Variants in PMEPA1 observed in about 807,000 individuals in gnomAD.
PMEPA1 encodes prostate transmembrane protein, androgen induced 1.
PMEPA1 carries 11 observed loss-of-function variants against 23.0 expected under a neutral mutation model. That is an observed-to-expected ratio of 0.48 (90% CI 0.30 to 0.79). PMEPA1 has a LOEUF of 0.79. Ranked by LOEUF, PMEPA1 falls within the 30% of genes least tolerant of loss-of-function variation. PMEPA1 has a pLI of 0.06. For missense variants in PMEPA1, 377 were observed against 390.9 expected (o/e 0.96, Z 0.30); for synonymous variants, 204 against 166.4 (o/e 1.23, Z -1.74).
chr20:57,672,208 T>C (rs1568971848), intron 1 of PMEPA1, among the ~76,000 whole-genome samples: 1 of 152,294 alleles, frequency 6.6e-6, no homozygotes, highest in East Asian at 1.9e-4. Context: ...CGCGCACGTG[T>C]GTGCCTGCAT....
At chr20:57,690,559 C>T in intron 1 of PMEPA1, 8 of 1,276,058 alleles carry the variant, frequency 6.3e-6, no homozygotes, top group Admixed American at 4.7e-5. Flanking sequence ...TAGCAGGAGG[C>T]GGGGTCTCCA....
chr20:57,661,018 G>A (rs1038003078), intron 1 of PMEPA1, among the ~76,000 whole-genome samples: 1 of 152,228 alleles, frequency 6.6e-6, no homozygotes, highest in Admixed American at 6.5e-5. Context: ...ACAAACACAC[G>A]CCACGCTCAA....
chr20:57,707,023 C>T (rs2089504102), intron 1 of PMEPA1, among the ~76,000 whole-genome samples: 1 of 152,050 alleles, frequency 6.6e-6, no homozygotes, highest in Admixed American at 6.6e-5. Context: ...ACAGTGAGGC[C>T]CATCATGGCT....
chr20:57,690,773 G>A lies in PMEPA1; in HGVS notation c.109+18701C>T, dbSNP rs1045530062. 2.9e-5 allele frequency: 9 copies of A among 306,630 alleles called. No individual in the cohort carries two copies. In the East Asian group the frequency reaches 3.3e-4, roughly 11 times the overall value. 19.0% of individuals were successfully genotyped at this position (306,630 alleles called of 1,614,324 possible). The stretch of plus-strand genomic sequence containing the variant: ...CGGAAGTCTGGGGTGGAGCCTGGCC[G>A]TCTACTCCTCACCCACCAGTTGGTG... On this transcript the variant is annotated intron_variant, in intron 1 of 3. Transcript: ENST00000341744.
rs2016300 is a variant in PMEPA1 at position 57,669,350 on chromosome 20, G to A, written c.110-9653C>T. 3.7e-4 allele frequency among the ~76,000 whole-genome samples: 57 copies of A among 152,092 alleles called. 1 individual carries two copies. Among genetic ancestry groups the A allele is most frequent in the Non-Finnish European group, 2.5e-4 (17 of 67,988 alleles). On this transcript the variant is annotated intron_variant, in intron 1 of 3. Coordinates refer to ENST00000341744, the MANE Select transcript of PMEPA1 (RefSeq NM_020182.5). ...TAATTTTTGTATTTTGAGTACAGACGGGGTTTCACCATGTTGGACAGGCTG... is the reference window on the plus strand; with the variant it reads ...TAATTTTTGTATTTTGAGTACAGACAGGGTTTCACCATGTTGGACAGGCTG...
intron 2 of PMEPA1, among the ~76,000 whole-genome samples, chr20:57,657,489 G>T (rs1016728918): frequency 6.6e-6 from 1 of 152,250 alleles, no homozygotes; most frequent in African/African-American, 2.4e-5. Flanking sequence ...TCCCTGGGCA[G>T]ACGTAACCAG....
At position 57,657,577 on chromosome 20, in the gene PMEPA1, G is replaced by C. The variant is rs189816397; in HGVS notation, c.264+1966C>G. ...GCAGCAGGTCTGCAGCACGCCCTCC[G>C]GACAGCGTGCTGGGACGCACAGTGG... On this transcript the variant is annotated intron_variant, in intron 2 of 3. Transcript: ENST00000341744. Among the ~76,000 whole-genome samples the C allele has an allele frequency of 3.0e-4, 45 of 152,338 alleles. No individual in the cohort carries two copies. The East Asian group carries it at 8.5e-3, about 29-fold the overall frequency.
chr20:57,664,822 C>T (rs933634931), intron 1 of PMEPA1, among the ~76,000 whole-genome samples: 6 of 152,246 alleles, frequency 3.9e-5, no homozygotes, highest in South Asian at 2.1e-4. Context: ...AAGCAGGCCA[C>T]ACCCAAGGCA....
intron 1 of PMEPA1, among the ~76,000 whole-genome samples, chr20:57,688,035 C>A (rs902057375): frequency 6.6e-6 from 1 of 152,154 alleles, no homozygotes; most frequent in African/African-American, 2.4e-5. Context: ...AAGGTCAGGC[C>A]GGGTGGTTCA....
intron 1 of PMEPA1, among the ~76,000 whole-genome samples, chr20:57,675,563 C>T (rs745571474): frequency 1.3e-4 from 20 of 152,158 alleles, no homozygotes; most frequent in Non-Finnish European, 2.9e-4. Context: ...GCATTCCTTG[C>T]TACGAGTGTT....
At chr20:57,654,527 C>T (rs1399524979) in intron 2 of PMEPA1, among the ~76,000 whole-genome samples, 1 of 152,098 alleles carries the variant, frequency 6.6e-6, no homozygotes, top group Non-Finnish European at 1.5e-5. Flanking sequence ...GTCTTAACTG[C>T]CTCGTCTCCT....
chr20:57,707,662 T>A (rs1364289529), intron 1 of PMEPA1, among the ~76,000 whole-genome samples: 3 of 149,178 alleles, frequency 2.0e-5, no homozygotes, highest in East Asian at 3.9e-4. Context: ...TTTTTTTTTT[T>A]AAGTCCTGAA....
At chr20:57,674,660 T>G (rs1415928212) in intron 1 of PMEPA1, among the ~76,000 whole-genome samples, 1 of 152,238 alleles carries the variant, frequency 6.6e-6, no homozygotes, top group African/African-American at 2.4e-5. Flanking sequence ...GATGTCTTAT[T>G]TTATTTTCCA....
At chr20:57,653,563 A>T (rs915811603) in intron 2 of PMEPA1, among the ~76,000 whole-genome samples, 12 of 152,242 alleles carry the variant, frequency 7.9e-5, no homozygotes, top group Non-Finnish European at 1.8e-4. Context: ...TACTTGCCTC[A>T]TAGTTGCTCA....
At position 57,684,450 on chromosome 20, in the gene PMEPA1, G is replaced by C. The variant is rs532528058; in HGVS notation, c.110-24753C>G. ...GGGCTGTGTAGCTGCCTAAGAAGGAGGGGGGCTCTGAGAACCGCCCCCACC... is the reference window on the plus strand; with the variant it reads ...GGGCTGTGTAGCTGCCTAAGAAGGACGGGGGCTCTGAGAACCGCCCCCACC... On this transcript the variant is annotated intron_variant, in intron 1 of 3. Transcript: ENST00000341744. 4.6e-5 allele frequency among the ~76,000 whole-genome samples: 7 copies of C among 152,286 alleles called. No individual in the cohort carries two copies. In the East Asian group the frequency reaches 1.4e-3, roughly 29 times the overall value.
rs1281210966 is a variant in PMEPA1 at position 57,704,095 on chromosome 20, T to C, written c.109+5379A>G. On this transcript the variant is annotated intron_variant, in intron 1 of 3. Coordinates refer to ENST00000341744, the MANE Select transcript of PMEPA1 (RefSeq NM_020182.5). The surrounding 1 kb of genome is among the most constrained non-coding windows in gnomAD (Gnocchi z 4.6). ...CTGCCAGCAGGTTCTGTGGGGCTTCTTGGTGACAGGGGAGACAAAAGGAAC... is the reference window on the plus strand; with the variant it reads ...CTGCCAGCAGGTTCTGTGGGGCTTCCTGGTGACAGGGGAGACAAAAGGAAC... Among the ~76,000 whole-genome samples, 1 of 152,126 alleles carries C rather than the reference T, an allele frequency of 6.6e-6. No homozygotes were observed. The highest frequency in any genetic ancestry group is 2.4e-5 in the African/African-American group (1 of 41,408).
At chr20:57,657,799 C>T (rs1026413663) in intron 2 of PMEPA1, among the ~76,000 whole-genome samples, 3 of 152,192 alleles carry the variant, frequency 2.0e-5, no homozygotes, top group South Asian at 2.1e-4. Flanking sequence ...GGACTCTGGG[C>T]GCCACCACCA....
At chr20:57,662,854 G>A (rs112843872) in intron 1 of PMEPA1, among the ~76,000 whole-genome samples, 227 of 152,278 alleles carry the variant, frequency 1.5e-3, no homozygotes, top group African/African-American at 4.5e-3. Context: ...TCCCTGTCCC[G>A]GGCCCTGGCA....
intron 1 of PMEPA1, among the ~76,000 whole-genome samples, chr20:57,660,894 C>T (rs776095290): frequency 6.6e-6 from 1 of 152,122 alleles, no homozygotes; most frequent in Non-Finnish European, 1.5e-5. Flanking sequence ...ACACACACCC[C>T]TCAACAGTCC....
Sources: gnomAD v4.1 joint callset for allele counts (sites outside exome capture counted in the v4.1 genomes callset) on GRCh38, gnomAD v4.1.1 for gene constraint, Gnocchi (gnomAD v3.1) non-coding constraint, MANE v1.5 for transcripts, NCBI Gene and HGNC (gene_info 2026-07-23, HGNC 2026-07-21) for gene names.